The following ZFAND3 variants were observed in gnomAD, a reference collection of about 807,000 sequenced individuals.
ZFAND3 encodes AN1-type zinc finger protein 3.
In ZFAND3, 10 loss-of-function variants were observed where a neutral mutation model predicts 29.6. The observed-to-expected ratio is 0.34, with a 90% CI of 0.21 to 0.57. ZFAND3 has a LOEUF of 0.57. Ranked by LOEUF, ZFAND3 falls within the 20% of genes least tolerant of loss-of-function variation. The pLI, the probability that ZFAND3 is intolerant of heterozygous loss-of-function variation, is 0.86. For synonymous variants in ZFAND3, 128 were observed against 112.6 expected, an observed-to-expected ratio of 1.14 and a Z score of -0.87; for missense variants, 230 against 304.5, an observed-to-expected ratio of 0.76 and a Z score of 1.82.
intron 4 of ZFAND3, among the ~76,000 whole-genome samples, chr6:38,115,545 G>A (rs1041266490): frequency 5.3e-5 from 8 of 152,192 alleles, no homozygotes; most frequent in Non-Finnish European, 8.8e-5. Context: ...TAGTAGGCTT[G>A]ATGAGTTGGT....
intron 4 of ZFAND3, among the ~76,000 whole-genome samples, chr6:38,112,487 C>T (rs576880607): frequency 9.6e-4 from 146 of 152,330 alleles, no homozygotes; most frequent in Non-Finnish European, 1.7e-3. Context: ...CCTCTCTCTC[C>T]ACATTTAACT....
chr6:38,046,260 A>T (rs1488956782), intron 2 of ZFAND3, among the ~76,000 whole-genome samples: 1 of 152,226 alleles, frequency 6.6e-6, no homozygotes, highest in African/African-American at 2.4e-5. Context: ...GTAAGAGATA[A>T]TGGGAGTTGT....
rs190877705 is a variant in ZFAND3, at chr6:38,152,982, A to T, written c.*593A>T. The T allele has an allele frequency of 6.1e-4, 599 of 985,680 alleles. No individual in the cohort carries two copies. The highest frequency in any genetic ancestry group is 7.0e-4 in the Non-Finnish European group (577 of 829,940). The allele number at this position is 985,680 out of a possible 1,614,324, so 61.1% of individuals were successfully genotyped here. ...GGGTGGGGGACAGATTCTTACGGAAATTTTTTTACCTGACTTGCTATGAAA... is the reference window on the plus strand; with the variant it reads ...GGGTGGGGGACAGATTCTTACGGAATTTTTTTTACCTGACTTGCTATGAAA... On this transcript the variant is annotated 3_prime_UTR_variant, in exon 6 of 6. Coordinates refer to ENST00000287218, the MANE Select transcript of ZFAND3 (RefSeq NM_021943.3).
At chr6:37,938,828 T>C (rs190190239) in intron 2 of ZFAND3, among the ~76,000 whole-genome samples, 1 of 152,364 alleles carries the variant, frequency 6.6e-6, no homozygotes, top group East Asian at 1.9e-4. Context: ...CGGGAAACAG[T>C]GCTCAGTGCT....
intron 1 of ZFAND3, among the ~76,000 whole-genome samples, chr6:37,925,014 C>T (rs1184430078): frequency 6.6e-6 from 1 of 151,282 alleles, no homozygotes; most frequent in African/African-American, 2.4e-5. Context: ...AATGAGGGGG[C>T]AGAATGATAA....
intron 1 of ZFAND3, among the ~76,000 whole-genome samples, chr6:37,836,908 A>T (rs1357854599): frequency 6.6e-6 from 1 of 152,060 alleles, no homozygotes; most frequent in African/African-American, 2.4e-5. Context: ...CATCTCTCTC[A>T]GCTTTTGTTT....
intron 2 of ZFAND3, among the ~76,000 whole-genome samples, chr6:38,045,249 G>A (rs1009562530): frequency 2.6e-5 from 4 of 151,552 alleles, no homozygotes; most frequent in South Asian, 2.1e-4. Flanking sequence ...CACTATGCCC[G>A]GCTAATTTTT....
chr6:37,870,939 A>G (rs1042521611), intron 1 of ZFAND3, among the ~76,000 whole-genome samples: 2 of 152,256 alleles, frequency 1.3e-5, no homozygotes, highest in Admixed American at 6.5e-5. Context: ...CCATTTGACT[A>G]TGATGTGCTT....
At chr6:37,891,248 T>C (rs892070477) in intron 1 of ZFAND3, among the ~76,000 whole-genome samples, 46 of 152,346 alleles carry the variant, frequency 3.0e-4, no homozygotes, top group African/African-American at 1.0e-3. Flanking sequence ...ATATCAGTGC[T>C]GCTCTCCCTT....
chr6:38,133,797 TA>T (rs1765789741), intron 5 of ZFAND3, among the ~76,000 whole-genome samples: 1 of 152,032 alleles, frequency 6.6e-6, no homozygotes, highest in Non-Finnish European at 1.5e-5. Context: ...TCCTTTTTTA[TA>T]AAGTTGAAAC....
chr6:37,984,207 C>T (rs1762627292), intron 2 of ZFAND3, among the ~76,000 whole-genome samples: 1 of 152,060 alleles, frequency 6.6e-6, no homozygotes, highest in South Asian at 2.1e-4. Flanking sequence ...ATGGTAATTG[C>T]AAGATAGAGC....
intron 4 of ZFAND3, among the ~76,000 whole-genome samples, chr6:38,103,384 TACAC>T (rs763144370): frequency 6.1e-5 from 9 of 147,230 alleles, no homozygotes; most frequent in South Asian, 2.1e-4. Context: ...AATATATATA[TACAC>T]ACACACATAT....
chr6:37,842,169 G>C (rs1050118161), intron 1 of ZFAND3, among the ~76,000 whole-genome samples: 3 of 152,036 alleles, frequency 2.0e-5, no homozygotes, highest in African/African-American at 7.3e-5. Context: ...TTCGGTATTC[G>C]GTTCCAACAA....
intron 2 of ZFAND3, among the ~76,000 whole-genome samples, chr6:37,976,839 T>A (rs537293468): frequency 6.6e-6 from 1 of 152,270 alleles, no homozygotes; most frequent in African/African-American, 2.4e-5. Flanking sequence ...ACCACCCCCA[T>A]GATCCAGTCA....
At chr6:37,938,722 T>A (rs905742487) in intron 2 of ZFAND3, among the ~76,000 whole-genome samples, 5 of 152,214 alleles carry the variant, frequency 3.3e-5, no homozygotes, top group African/African-American at 1.2e-4. Flanking sequence ...TGTGGTTAAT[T>A]ATTATGCTAG....
chr6:37,958,511 A>G (rs769188775), intron 2 of ZFAND3, among the ~76,000 whole-genome samples: 9 of 152,090 alleles, frequency 5.9e-5, no homozygotes, highest in Non-Finnish European at 1.0e-4. Context: ...TTTTATGTAA[A>G]TGAGATTTTT....
intron 2 of ZFAND3, among the ~76,000 whole-genome samples, chr6:38,025,368 TAGG>T (rs1763428001): frequency 6.6e-6 from 1 of 152,220 alleles, no homozygotes. Flanking sequence ...CCCCCTTTTT[TAGG>T]AGGCACAATA....
At chr6:37,919,511 A>G (rs377513637) in intron 1 of ZFAND3, among the ~76,000 whole-genome samples, 4 of 152,042 alleles carry the variant, frequency 2.6e-5, no homozygotes, top group African/African-American at 9.7e-5. Context: ...AGAATATCAC[A>G]TTCATTTTTT....
chr6:38,064,230 C>T (rs183372007), intron 3 of ZFAND3, among the ~76,000 whole-genome samples: 6 of 152,290 alleles, frequency 3.9e-5, no homozygotes, highest in South Asian at 2.1e-4. Context: ...ATACCAGGAT[C>T]GGGCCACCAC....
Sources: gnomAD v4.1 joint callset for allele counts (sites outside exome capture counted in the v4.1 genomes callset) on GRCh38, gnomAD v4.1.1 for gene constraint, MANE v1.5 for transcripts, NCBI Gene and HGNC (gene_info 2026-07-23, HGNC 2026-07-21) for gene names.